Variants in DNAAF11 observed in about 807,000 individuals in gnomAD.
DNAAF11 encodes leucine rich repeat containing 6.
A neutral mutation model predicts 60.8 loss-of-function variants in DNAAF11; 45 were observed. The ratio of observed to expected loss-of-function variants is 0.74; its 90% CI spans 0.58 to 0.95. The LOEUF (loss-of-function observed/expected upper bound fraction) is 0.95. DNAAF11 is among the 40% of genes least tolerant of loss of function. The probability of loss-of-function intolerance (pLI) is 0.00; values close to 1 mark genes in which losing one functional copy is unlikely to be tolerated. For missense variants in DNAAF11, 546 were observed against 546.2 expected, an observed-to-expected ratio of 1.00 and a Z score of 0.00; for synonymous variants, 191 against 183.5, an observed-to-expected ratio of 1.04 and a Z score of -0.33.
chr8:132,572,414 T>A lies in DNAAF11; in HGVS notation c.1293A>T (p.Ile431=). The A allele has an allele frequency of 6.2e-7, 1 of 1,613,718 alleles. No homozygotes were observed. ...TGGGTGTGTGTTTTTTCTCTTGAAC[T>A]ATGTTAGTCACATCAGGGAATGAGT... ...SKHSFPDVTN[I]VQEKKHTPRR... is the part of the protein sequence containing the mutation. Residue 431 remains isoleucine (I), a synonymous_variant, in exon 12 of 12, where the codon ATA becomes ATT. Transcript: ENST00000620350.
chr8:132,630,980 A>G (rs1481825816), intron 5 of DNAAF11, among the ~76,000 whole-genome samples: 4 of 152,220 alleles, frequency 2.6e-5, no homozygotes, highest in Non-Finnish European at 4.4e-5. Flanking sequence ...CAATATGTAA[A>G]AAGTTGAAAA....
At chr8:132,601,909 C>T (rs776590706) in intron 10 of DNAAF11, among the ~76,000 whole-genome samples, 1 of 152,162 alleles carries the variant, frequency 6.6e-6, no homozygotes, top group Non-Finnish European at 1.5e-5. Flanking sequence ...TGCCCTAGAA[C>T]TTAAAGTATA....
intron 1 of DNAAF11, among the ~76,000 whole-genome samples, chr8:132,662,794 C>G (rs767107164): frequency 6.6e-6 from 1 of 152,184 alleles, no homozygotes; most frequent in Non-Finnish European, 1.5e-5. Context: ...TCTAGAAATT[C>G]CAGGTTTCCT....
chr8:132,624,107 A>T (rs1290279006), intron 6 of DNAAF11, among the ~76,000 whole-genome samples: 1 of 152,174 alleles, frequency 6.6e-6, no homozygotes, highest in Non-Finnish European at 1.5e-5. Flanking sequence ...ATACCCACAG[A>T]TATATAAATA....
At chr8:132,652,188 G>C (rs1823085534) in intron 3 of DNAAF11, among the ~76,000 whole-genome samples, 1 of 152,290 alleles carries the variant, frequency 6.6e-6, no homozygotes, top group Non-Finnish European at 1.5e-5. Flanking sequence ...ACTCTAAAGT[G>C]AAGTCTGCTA....
At chr8:132,635,750 G>T (rs950338192) in intron 4 of DNAAF11, among the ~76,000 whole-genome samples, 4 of 152,132 alleles carry the variant, frequency 2.6e-5, no homozygotes, top group African/African-American at 9.7e-5. Context: ...TCAAATCAGG[G>T]ACTTTCTGGA....
chr8:132,631,929 T>C (rs911078293), intron 5 of DNAAF11, among the ~76,000 whole-genome samples: 2 of 151,862 alleles, frequency 1.3e-5, no homozygotes, highest in Admixed American at 6.6e-5. Flanking sequence ...GAAGAATTAA[T>C]GGGTGCAGCA....
chr8:132,607,210 C>T (rs1818219984), intron 10 of DNAAF11, among the ~76,000 whole-genome samples: 1 of 152,180 alleles, frequency 6.6e-6, no homozygotes, highest in South Asian at 2.1e-4. Flanking sequence ...GGCCAGAGTA[C>T]ACCTCTTCTA....
intron 2 of DNAAF11, among the ~76,000 whole-genome samples, chr8:132,659,286 C>G (rs758836436): frequency 1.3e-5 from 2 of 152,172 alleles, no homozygotes; most frequent in Non-Finnish European, 2.9e-5. Context: ...GGCACAAGAG[C>G]AAGTCTGAAT....
intron 10 of DNAAF11, among the ~76,000 whole-genome samples, chr8:132,602,073 T>C (rs1280887492): frequency 2.6e-5 from 4 of 152,148 alleles, no homozygotes; most frequent in African/African-American, 9.7e-5. Context: ...GATCTCATCT[T>C]CTTACTTTCC....
intron 7 of DNAAF11, among the ~76,000 whole-genome samples, chr8:132,615,709 G>A (rs992114687): frequency 2.0e-5 from 3 of 152,168 alleles, no homozygotes; most frequent in Admixed American, 2.0e-4. Context: ...AGCCTGGCTA[G>A]GCAGGATTTC....
chr8:132,649,792 G>T (rs913650365), intron 3 of DNAAF11, among the ~76,000 whole-genome samples: 2 of 152,216 alleles, frequency 1.3e-5, no homozygotes, highest in South Asian at 2.1e-4. Context: ...GGCCATCAGA[G>T]AAATGCAAAT....
At chr8:132,683,408 G>A in the DNAAF11 span, among the ~76,000 whole-genome samples, 5 of 152,144 alleles carry the variant, frequency 3.3e-5, no homozygotes, top group East Asian at 1.9e-4. Context: ...ATTGAGGCAC[G>A]TCCTCAATGT....
At chr8:132,615,936 T>C (rs1027671127) in intron 7 of DNAAF11, among the ~76,000 whole-genome samples, 11 of 152,124 alleles carry the variant, frequency 7.2e-5, no homozygotes, top group African/African-American at 2.7e-4. Flanking sequence ...GTTCGCCCCA[T>C]TTCTGCTTGT....
At chr8:132,689,192 G>A in the DNAAF11 span, among the ~76,000 whole-genome samples, 2 of 152,156 alleles carry the variant, frequency 1.3e-5, no homozygotes, top group African/African-American at 4.8e-5. Context: ...AGCCTCTTTT[G>A]TAAAATGGGA....
At chr8:132,623,902 C>A (rs1204018757) in intron 6 of DNAAF11, among the ~76,000 whole-genome samples, 1 of 152,080 alleles carries the variant, frequency 6.6e-6, no homozygotes, top group Non-Finnish European at 1.5e-5. Flanking sequence ...CCTGCTTACA[C>A]CGAATTAATA....
chr8:132,611,398 A>T, intron 8 of DNAAF11, 35 bp from the exon 9 acceptor site: 10 of 1,248,392 alleles, frequency 8.0e-6, no homozygotes, highest in Non-Finnish European at 1.2e-5. Context: ...TTATAATTTT[A>T]AAAAATATCA....
intron 3 of DNAAF11, among the ~76,000 whole-genome samples, chr8:132,653,428 A>G (rs969790714): frequency 6.6e-6 from 1 of 152,154 alleles, no homozygotes; most frequent in African/African-American, 2.4e-5. Flanking sequence ...CACTAGGGAG[A>G]AACTCAAATG....
intron 10 of DNAAF11, among the ~76,000 whole-genome samples, chr8:132,587,998 C>T (rs1291713100): frequency 1.3e-5 from 2 of 152,104 alleles, no homozygotes; most frequent in African/African-American, 4.8e-5. Context: ...TCTATATCAA[C>T]TATAAAAGTT....
Sources: allele counts gnomAD v4.1 joint callset (sites outside exome capture counted in the v4.1 genomes callset), GRCh38; gene constraint gnomAD v4.1.1; transcripts MANE v1.5; gene names NCBI Gene and HGNC (gene_info 2026-07-23, HGNC 2026-07-21).